The following ZRANB3 variants were observed in gnomAD, a reference collection of about 807,000 sequenced individuals.
The protein encoded by ZRANB3 is zinc finger RANBP2-type containing 3, also known as DNA annealing helicase and endonuclease ZRANB3.
ZRANB3 carries 125 observed loss-of-function variants against 133.8 expected under a neutral mutation model. The ratio of observed to expected loss-of-function variants is 0.93; its 90% CI spans 0.81 to 1.08. ZRANB3 has a LOEUF of 1.08. Among genes scored for constraint, ZRANB3 ranks in the 50% least tolerant of loss-of-function variants. The pLI is 0.00. For synonymous variants in ZRANB3, 387 were observed against 432.7 expected (o/e 0.89, Z 1.31); for missense variants, 1,229 against 1,275.5 (o/e 0.96, Z 0.56).
At chr2:135,324,332 T>C (rs1341840797) in intron 6 of ZRANB3, among the ~76,000 whole-genome samples, 2 of 150,532 alleles carry the variant, frequency 1.3e-5, no homozygotes, top group Non-Finnish European at 3.0e-5. Flanking sequence ...ATATGCGATG[T>C]TTGGTTTTTT....
chr2:135,211,598 CTTTTA>C (rs1694098293), intron 17 of ZRANB3, among the ~76,000 whole-genome samples: 1 of 152,082 alleles, frequency 6.6e-6, no homozygotes, highest in Non-Finnish European at 1.5e-5. Context: ...TTCATTATAC[CTTTTA>C]TTTTTAGAAA....
At chr2:135,511,523 A>G in intron 1 of ZRANB3, 1 of 1,026,918 alleles carries the variant, frequency 9.7e-7, no homozygotes, top group Non-Finnish European at 1.5e-6. Flanking sequence ...TCAGTGACAA[A>G]CCCACCAAAG....
chr2:135,307,616 T>C (rs1301541595), intron 8 of ZRANB3, among the ~76,000 whole-genome samples: 1 of 152,276 alleles, frequency 6.6e-6, no homozygotes, highest in Non-Finnish European at 1.5e-5. Context: ...TTGCTTTATG[T>C]CTTGGCAATG....
chr2:135,376,856 A>C (rs1686451912), intron 3 of ZRANB3, among the ~76,000 whole-genome samples: 1 of 152,204 alleles, frequency 6.6e-6, no homozygotes, highest in Non-Finnish European at 1.5e-5. Flanking sequence ...ATAACCGAGG[A>C]GGGCAAAGAT....
chr2:135,270,110 T>C (rs1043750452), intron 10 of ZRANB3, among the ~76,000 whole-genome samples: 1 of 152,108 alleles, frequency 6.6e-6, no homozygotes. Context: ...AAAATCAGTC[T>C]CTGAAAAAGA....
In ZRANB3 at chr2:135,230,602, A is replaced by G. The variant is rs1694959368; in HGVS notation, c.1865T>C (p.Val622Ala). 6.2e-7 allele frequency: 1 copy of G among 1,610,114 alleles called. No individual in the cohort carries two copies. Among genetic ancestry groups the G allele is most frequent in the Admixed American group, 1.7e-5 (1 of 58,960 alleles). The change falls in exon 13 of 21, where the codon GTA becomes GCA. Residue 622 changes from valine to alanine, a missense_variant. Physicochemically the swap from Val to Ala is moderately conservative, Grantham distance 64 (BLOSUM62 0). Transcript: ENST00000264159. ...KAQLTTPAFPVEGWQCSLCTY... is the reference protein window; with the variant it reads ...KAQLTTPAFPAEGWQCSLCTY... ...GCAGAGACTACATTGCCAGCCCTCT[A>G]CAGGAAAGGCTGGGGTGGTTAACTG... is the stretch of plus-strand genomic sequence containing the variant.
intron 8 of ZRANB3, among the ~76,000 whole-genome samples, chr2:135,307,967 G>C (rs1410014650): frequency 2.0e-5 from 3 of 152,186 alleles, no homozygotes; most frequent in Non-Finnish European, 4.4e-5. Flanking sequence ...ACGCCTGTAG[G>C]ATAGTAGGTT....
chr2:135,341,453 G>A (rs1208228989), intron 6 of ZRANB3, among the ~76,000 whole-genome samples: 6 of 149,810 alleles, frequency 4.0e-5, no homozygotes, highest in Non-Finnish European at 7.4e-5. Context: ...TGCATGTCAC[G>A]TCAGGATCCT....
chr2:135,239,196 A>G (rs1044704811), intron 12 of ZRANB3, among the ~76,000 whole-genome samples: 1 of 152,236 alleles, frequency 6.6e-6, no homozygotes, highest in Non-Finnish European at 1.5e-5. Flanking sequence ...ATAAGAAAGA[A>G]TTATAAAATT....
At chr2:135,469,455 C>T (rs1372995244) in intron 2 of ZRANB3, among the ~76,000 whole-genome samples, 1 of 152,108 alleles carries the variant, frequency 6.6e-6, no homozygotes, top group East Asian at 1.9e-4. Flanking sequence ...TTATTTTAAT[C>T]ATTATCAGTT....
intron 17 of ZRANB3, among the ~76,000 whole-genome samples, chr2:135,215,657 A>G (rs1694275800): frequency 1.3e-5 from 2 of 152,160 alleles, no homozygotes; most frequent in Non-Finnish European, 2.9e-5. Context: ...TTTATAACTG[A>G]CCTCATTCAT....
At chr2:135,390,208 A>G (rs1051086413) in intron 3 of ZRANB3, among the ~76,000 whole-genome samples, 3 of 152,148 alleles carry the variant, frequency 2.0e-5, no homozygotes, top group African/African-American at 7.2e-5. Flanking sequence ...AGACATAATG[A>G]AAAACAGCAA....
intron 11 of ZRANB3, 63 bp from the exon 12 acceptor site, chr2:135,265,749 T>C: frequency 1.3e-6 from 2 of 1,502,330 alleles, no homozygotes; most frequent in Non-Finnish European, 1.8e-6. Flanking sequence ...ATTCACTAAG[T>C]AACTTGATTT....
chr2:135,508,437 A>C (rs2104827418), intron 1 of ZRANB3, among the ~76,000 whole-genome samples: 1 of 152,288 alleles, frequency 6.6e-6, no homozygotes, highest in East Asian at 1.9e-4. Flanking sequence ...GCACCTGGCC[A>C]AGGCACAATA....
chr2:135,247,293 C>T (rs928277971), intron 12 of ZRANB3, among the ~76,000 whole-genome samples: 3 of 151,984 alleles, frequency 2.0e-5, no homozygotes, highest in Non-Finnish European at 4.4e-5. Flanking sequence ...CAGAGTGACA[C>T]AAGTAGGGTT....
chr2:135,500,036 G>T (rs1692864902), intron 2 of ZRANB3, among the ~76,000 whole-genome samples: 1 of 152,124 alleles, frequency 6.6e-6, no homozygotes, highest in Non-Finnish European at 1.5e-5. Context: ...GAAAACAGTA[G>T]CCTACAAGTC....
intron 2 of ZRANB3, among the ~76,000 whole-genome samples, chr2:135,450,773 CA>C (rs1414912363): frequency 5.3e-5 from 8 of 152,270 alleles, no homozygotes; most frequent in Non-Finnish European, 1.0e-4. Context: ...GAAGAGCTTT[CA>C]GGGGGGACCC....
intron 2 of ZRANB3, among the ~76,000 whole-genome samples, chr2:135,457,699 C>T (rs1194824055): frequency 1.3e-5 from 2 of 152,036 alleles, no homozygotes; most frequent in Admixed American, 1.3e-4. Flanking sequence ...TGTTCCTAGT[C>T]TATGGGTTAT....
intron 2 of ZRANB3, among the ~76,000 whole-genome samples, chr2:135,413,896 A>G (rs1574066397): frequency 6.6e-6 from 1 of 152,246 alleles, no homozygotes; most frequent in Middle Eastern, 3.4e-3. Context: ...CTTTACAGAC[A>G]AGCAAATACT....
Sources: allele counts gnomAD v4.1 joint callset (sites outside exome capture counted in the v4.1 genomes callset), GRCh38; gene constraint gnomAD v4.1.1; transcripts MANE v1.5; gene names NCBI Gene and HGNC (gene_info 2026-07-23, HGNC 2026-07-21).